Variants in CYLC2 observed in about 807,000 individuals in gnomAD.
CYLC2 encodes cylicin 2.
Under a neutral mutation model 26.1 loss-of-function variants are expected in CYLC2, and 30 were observed. The observed-to-expected ratio is 1.15, with a 90% CI of 0.86 to 1.56. The LOEUF (loss-of-function observed/expected upper bound fraction) is 1.56, where lower values mean the gene tolerates loss of function less well. Among genes scored for constraint, CYLC2 ranks in the 40% most tolerant of loss-of-function variants. The pLI, the probability that CYLC2 is intolerant of heterozygous loss-of-function variation, is 0.00. For synonymous variants in CYLC2, 158 were observed against 132.8 expected, an observed-to-expected ratio of 1.19 and a Z score of -1.31; for missense variants, 498 against 394.4, an observed-to-expected ratio of 1.26 and a Z score of -2.23.
chr9:103,011,289 C>A (rs12378193), intron 5 of CYLC2, among the ~76,000 whole-genome samples: 34,188 of 151,956 alleles, frequency 0.22, 4,111 homozygotes, highest in African/African-American at 0.3. Flanking sequence ...TTTTTACCCC[C>A]CTTCATTTTG....
chr9:103,015,139 C>T (rs372037954), intron 6 of CYLC2, among the ~76,000 whole-genome samples: 54 of 3,578 alleles, frequency 0.015, no homozygotes, highest in Non-Finnish European at 0.018. Context: ...ATATACATAA[C>T]ATGTATATCA....
chr9:103,013,306 A>T, intron 6 of CYLC2, among the ~76,000 whole-genome samples: 1 of 81,538 alleles, frequency 1.2e-5, no homozygotes, highest in South Asian at 3.9e-4. Context: ...TTTACATGTT[A>T]TATGTTTATA....
intron 6 of CYLC2, among the ~76,000 whole-genome samples, chr9:103,014,382 T>C (rs1000617442): frequency 7.5e-6 from 1 of 133,598 alleles, no homozygotes; most frequent in Admixed American, 8.2e-5. Flanking sequence ...TTATGTATAT[T>C]ACGTAATATA....
intron 1 of CYLC2, among the ~76,000 whole-genome samples, chr9:102,999,291 T>C (rs1402500846): frequency 3.3e-5 from 5 of 151,936 alleles, no homozygotes; most frequent in African/African-American, 1.2e-4. Flanking sequence ...TTAAACTATT[T>C]ATCATATAAT....
Position 103,004,689 on chromosome 9 carries a change from T to C in CYLC2, c.181-6T>C. The C allele has an allele frequency of 1.3e-6, 2 of 1,583,080 alleles. No individual in the cohort carries two copies. The highest frequency in any genetic ancestry group is 8.6e-7 in the Non-Finnish European group (1 of 1,166,560). On this transcript the variant is annotated splice_polypyrimidine_tract_variant and splice_region_variant and intron_variant, in intron 3 of 7. Transcript: ENST00000374798. Reference sequence around the variant, plus strand: ...GTTGTTCATCATTATTGTAACCATCTTTCAGATAATTGATGAAGAACAATT... The same window carrying C: ...GTTGTTCATCATTATTGTAACCATCCTTCAGATAATTGATGAAGAACAATT...
At chr9:103,004,938 T>C (rs1299367779) in intron 4 of CYLC2, 31 bp from the exon 5 acceptor site, 3 of 1,575,694 alleles carry the variant, frequency 1.9e-6, no homozygotes, top group Non-Finnish European at 2.6e-6. Flanking sequence ...GATTTTCCCA[T>C]TTTAAGAAAT....
At chr9:103,006,846 T>C (rs914693122) in intron 5 of CYLC2, among the ~76,000 whole-genome samples, 7 of 152,154 alleles carry the variant, frequency 4.6e-5, no homozygotes, top group Non-Finnish European at 7.3e-5. Context: ...ATCTATTTTA[T>C]AGCATGGTGA....
At chr9:103,009,991 A>G (rs10990431) in intron 5 of CYLC2, among the ~76,000 whole-genome samples, 4,565 of 20,706 alleles carry the variant, frequency 0.22, 85 homozygotes, top group South Asian at 0.37. Context: ...TTTTACATGT[A>G]TGTGTATATA....
intron 6 of CYLC2, among the ~76,000 whole-genome samples, chr9:103,015,846 T>C (rs1041510446): frequency 6.6e-6 from 1 of 150,506 alleles, no homozygotes; most frequent in African/African-American, 2.4e-5. Flanking sequence ...ATTATACTAT[T>C]CCACTCTAAA....
chr9:103,013,154 A>AAT (rs1187172398), intron 6 of CYLC2, among the ~76,000 whole-genome samples: 1 of 30,998 alleles, frequency 3.2e-5, no homozygotes, highest in African/African-American at 1.0e-4. Flanking sequence ...ATCATATATA[A>AAT]ATATATATTA....
chr9:103,003,890 G>A (rs534922764), intron 3 of CYLC2, among the ~76,000 whole-genome samples: 8 of 151,958 alleles, frequency 5.3e-5, no homozygotes, highest in Non-Finnish European at 7.4e-5. Context: ...TAAATATTTC[G>A]CAATATTTCT....
chr9:103,017,286 A>G (rs865805271), intron 7 of CYLC2, among the ~76,000 whole-genome samples: 1 of 152,038 alleles, frequency 6.6e-6, no homozygotes, highest in South Asian at 2.1e-4. Flanking sequence ...CTAAATTCAA[A>G]AAATATTACA....
At chr9:103,014,693 A>C (rs1486561315) in intron 6 of CYLC2, among the ~76,000 whole-genome samples, 1 of 128,630 alleles carries the variant, frequency 7.8e-6, no homozygotes, top group African/African-American at 2.9e-5. Context: ...CATATGTAAT[A>C]TACGTATGTA....
chr9:103,014,552 A>AATATACATCATAT, intron 6 of CYLC2, among the ~76,000 whole-genome samples: 1 of 141,410 alleles, frequency 7.1e-6, no homozygotes, highest in South Asian at 2.2e-4. Context: ...TATATTATGC[A>AATATACATCATAT]GTATACATCA....
chr9:103,014,876 C>CG (rs1209131858), intron 6 of CYLC2, among the ~76,000 whole-genome samples: 1 of 126,010 alleles, frequency 7.9e-6, no homozygotes, highest in African/African-American at 3.2e-5. Flanking sequence ...ATGTAATATA[C>CG]TATGTATATT....
intron 6 of CYLC2, among the ~76,000 whole-genome samples, chr9:103,012,504 G>A (rs550786719): frequency 1.2e-4 from 19 of 152,044 alleles, no homozygotes; most frequent in Admixed American, 3.9e-4. Context: ...GTTTATGACA[G>A]TTTTTATAAT....
chr9:103,006,893 T>C (rs1829357195), intron 5 of CYLC2, among the ~76,000 whole-genome samples: 1 of 152,034 alleles, frequency 6.6e-6, no homozygotes, highest in Non-Finnish European at 1.5e-5. Flanking sequence ...TCTTGAAAAA[T>C]CAATGCTAAG....
At chr9:103,013,372 A>T (rs1263327615) in intron 6 of CYLC2, among the ~76,000 whole-genome samples, 1 of 103,600 alleles carries the variant, frequency 9.7e-6, no homozygotes, top group Non-Finnish European at 1.7e-5. Flanking sequence ...ATATATATTT[A>T]ATATATTATA....
chr9:103,009,365 C>A (rs985362191), intron 5 of CYLC2, among the ~76,000 whole-genome samples: 1 of 151,866 alleles, frequency 6.6e-6, no homozygotes, highest in Non-Finnish European at 1.5e-5. Context: ...TTCACCACAT[C>A]CAGATAATTT....
Sources: gnomAD v4.1 joint callset for allele counts (sites outside exome capture counted in the v4.1 genomes callset) on GRCh38, gnomAD v4.1.1 for gene constraint, MANE v1.5 for transcripts, NCBI Gene and HGNC (gene_info 2026-07-23, HGNC 2026-07-21) for gene names.